The following KCNIP1 variants were observed in gnomAD, a reference collection of about 807,000 sequenced individuals.
KCNIP1 encodes potassium voltage-gated channel interacting protein 1.
KCNIP1 carries 18 observed loss-of-function variants against 33.0 expected under a neutral mutation model. That is an observed-to-expected ratio of 0.55 (90% CI 0.38 to 0.81). The LOEUF (loss-of-function observed/expected upper bound fraction) is 0.81. Among genes scored for constraint, KCNIP1 ranks in the 30% least tolerant of loss-of-function variants. The probability of loss-of-function intolerance (pLI) is 0.00; values close to 1 mark genes in which losing one functional copy is unlikely to be tolerated. For missense variants in KCNIP1, 238 were observed against 271.6 expected (o/e 0.88, Z 0.87); for synonymous variants, 93 against 98.3 (o/e 0.95, Z 0.32).
chr5:170,718,910 TG>T lies in KCNIP1; in HGVS notation c.186+36del, dbSNP rs529944333. On this transcript the variant is annotated intron_variant, in intron 2 of 7. Transcript: ENST00000328939. ...AAGACCCGTGCACGCTCTGAAGGCCTGGGGGGGGTTCCCACGTGAGGCTACA... is the reference window on the plus strand; with the variant it reads ...AAGACCCGTGCACGCTCTGAAGGCCTGGGGGGGTTCCCACGTGAGGCTACA... 1.8e-4 allele frequency: 294 copies of T among 1,590,130 alleles called. 1 individual carries two copies. The highest frequency in any genetic ancestry group is 1.2e-3 in the African/African-American group (85 of 72,874).
At chr5:170,648,029 G>C (rs1318262392) in intron 1 of KCNIP1, among the ~76,000 whole-genome samples, 1 of 152,172 alleles carries the variant, frequency 6.6e-6, no homozygotes, top group Non-Finnish European at 1.5e-5. Flanking sequence ...GTGAAAAAAT[G>C]CTCCACATAT....
intron 1 of KCNIP1, among the ~76,000 whole-genome samples, chr5:170,450,450 A>G (rs1187857580): frequency 6.6e-6 from 1 of 152,098 alleles, no homozygotes; most frequent in East Asian, 1.9e-4. Context: ...GTCACTCTGT[A>G]GGTGTATCCT....
intron 1 of KCNIP1, among the ~76,000 whole-genome samples, chr5:170,650,359 C>T (rs556040770): frequency 6.8e-6 from 1 of 147,302 alleles, no homozygotes; most frequent in Non-Finnish European, 1.5e-5. Flanking sequence ...CCTCAGGTAA[C>T]ACTGATCTGC....
At chr5:170,582,414 C>T (rs1757827897) in intron 1 of KCNIP1, among the ~76,000 whole-genome samples, 1 of 152,178 alleles carries the variant, frequency 6.6e-6, no homozygotes, top group Non-Finnish European at 1.5e-5. Context: ...ATACCAAGTA[C>T]TCAGCATAGC....
intron 1 of KCNIP1, among the ~76,000 whole-genome samples, chr5:170,426,306 C>A (rs1414370785): frequency 2.0e-5 from 3 of 150,712 alleles, no homozygotes; most frequent in African/African-American, 4.9e-5. Flanking sequence ...TATTATCAGT[C>A]ATATCAGCCC....
chr5:170,641,072 A>G (rs1292168582), intron 1 of KCNIP1, among the ~76,000 whole-genome samples: 1 of 152,098 alleles, frequency 6.6e-6, no homozygotes, highest in Non-Finnish European at 1.5e-5. Context: ...CCCAAGGAAA[A>G]GATTCAAGCA....
intron 1 of KCNIP1, among the ~76,000 whole-genome samples, chr5:170,473,744 C>T (rs779705511): frequency 1.3e-5 from 2 of 152,154 alleles, no homozygotes; most frequent in Admixed American, 6.5e-5. Context: ...TCCTTTCCCT[C>T]GACTGCACTT....
At chr5:170,486,564 A>G (rs542575883) in intron 1 of KCNIP1, among the ~76,000 whole-genome samples, 1 of 152,222 alleles carries the variant, frequency 6.6e-6, no homozygotes, top group Non-Finnish European at 1.5e-5. Context: ...CCAAGTAATG[A>G]GTTCCTGCTG....
chr5:170,385,338 G>A, intron 1 of KCNIP1: 2 of 1,614,156 alleles, frequency 1.2e-6, no homozygotes, highest in East Asian at 4.5e-5. Context: ...GGGCAGCACA[G>A]TCGTGACCAG....
chr5:170,416,626 C>A (rs13175143), intron 1 of KCNIP1, among the ~76,000 whole-genome samples: 3 of 151,788 alleles, frequency 2.0e-5, no homozygotes, highest in Admixed American at 2.0e-4. Flanking sequence ...TCAGTATCTC[C>A]GGTGTAAGAA....
intron 1 of KCNIP1, among the ~76,000 whole-genome samples, chr5:170,373,265 G>A (rs1420497873): frequency 5.9e-5 from 9 of 152,184 alleles, no homozygotes; most frequent in African/African-American, 2.2e-4. Context: ...CAGAGGTGAT[G>A]GAGAAAACTA....
At chr5:170,466,857 T>C (rs898498747) in intron 1 of KCNIP1, among the ~76,000 whole-genome samples, 1 of 152,156 alleles carries the variant, frequency 6.6e-6, no homozygotes, top group Non-Finnish European at 1.5e-5. Context: ...GATTTCAGTA[T>C]ATGAACTTTA....
intron 1 of KCNIP1, among the ~76,000 whole-genome samples, chr5:170,484,929 T>C (rs957593008): frequency 2.3e-5 from 2 of 88,670 alleles, no homozygotes; most frequent in African/African-American, 4.1e-5. Flanking sequence ...CTTTTTTTTG[T>C]TTTTTCTTTT....
intron 1 of KCNIP1, among the ~76,000 whole-genome samples, chr5:170,697,555 C>T (rs1648502274): frequency 1.3e-5 from 2 of 152,126 alleles, no homozygotes; most frequent in Admixed American, 6.5e-5. Flanking sequence ...AATTGAGTCC[C>T]CCAGAGGTTA....
At chr5:170,461,847 A>G (rs539776885) in intron 1 of KCNIP1, among the ~76,000 whole-genome samples, 15 of 152,294 alleles carry the variant, frequency 9.8e-5, no homozygotes, top group African/African-American at 3.1e-4. Flanking sequence ...AAAGCAAACA[A>G]AAACATATAG....
At chr5:170,533,357 T>C (rs1755852432) in intron 1 of KCNIP1, among the ~76,000 whole-genome samples, 1 of 152,202 alleles carries the variant, frequency 6.6e-6, no homozygotes, top group Admixed American at 6.5e-5. Context: ...ATTCGCGGCA[T>C]TGTTGTTGCG....
At chr5:170,565,579 A>G (rs1179827762) in intron 1 of KCNIP1, among the ~76,000 whole-genome samples, 1 of 152,256 alleles carries the variant, frequency 6.6e-6, no homozygotes, top group Non-Finnish European at 1.5e-5. Context: ...ACATTTGTTA[A>G]GTACCTACTA....
Position 170,466,543 on chromosome 5 carries a change from AG to A in KCNIP1, c.88+112581del, listed in dbSNP as rs149388346. Among the ~76,000 whole-genome samples the A allele has an allele frequency of 6.9e-3, 1,057 of 152,308 alleles. 15 individuals carry two copies. Among genetic ancestry groups the A allele is most frequent in the African/African-American group, 0.024 (989 of 41,566 alleles). ...AGAAATCCATTATTAGAAACAGAAA[AG>A]GTGTCTTAGTGCATTCAGGCTGCTA... On this transcript the variant is annotated intron_variant, in intron 1 of 7. Coordinates refer to the KCNIP1 transcript ENST00000377360.
chr5:170,579,854 A>G (rs1345965616), intron 1 of KCNIP1, among the ~76,000 whole-genome samples: 1 of 152,104 alleles, frequency 6.6e-6, no homozygotes, highest in East Asian at 1.9e-4. Flanking sequence ...CCCTGCATGC[A>G]TCTTCTCTGA....
Sources: allele counts gnomAD v4.1 joint callset (sites outside exome capture counted in the v4.1 genomes callset), GRCh38; gene constraint gnomAD v4.1.1; transcripts MANE v1.5; gene names NCBI Gene and HGNC (gene_info 2026-07-23, HGNC 2026-07-21).